UTP20: variants seen among roughly 807,000 people sequenced by gnomAD.
The protein encoded by UTP20 is UTP20 small subunit processome component, also known as small subunit processome component 20 homolog.
UTP20 carries 164 observed loss-of-function variants against 329.5 expected under a neutral mutation model. The ratio of observed to expected loss-of-function variants is 0.50; its 90% CI spans 0.44 to 0.57. The LOEUF is 0.57. Ranked by LOEUF, UTP20 falls within the 20% of genes least tolerant of loss-of-function variation. The pLI, the probability that UTP20 is intolerant of heterozygous loss-of-function variation, is 0.00. For synonymous variants in UTP20, 1,151 were observed against 1,159.3 expected, an observed-to-expected ratio of 0.99 and a Z score of 0.14; for missense variants, 3,055 against 3,284.2, an observed-to-expected ratio of 0.93 and a Z score of 1.71.
At chr12:101,295,695 G>A in intron 12 of UTP20, 37 bp downstream of exon 12, 8 of 1,538,098 alleles carry the variant, frequency 5.2e-6, no homozygotes, top group Non-Finnish European at 7.0e-6. Context: ...ATGATGATAA[G>A]TTTACCCATT....
chr12:101,313,815 A>G (rs576390299), intron 21 of UTP20, among the ~76,000 whole-genome samples: 61 of 152,146 alleles, frequency 4.0e-4, no homozygotes, highest in African/African-American at 1.5e-3. Flanking sequence ...ACTAGAAGAA[A>G]GTTCTCATTT....
At chr12:101,291,081 G>A (rs777514176) in intron 8 of UTP20, 193 bp downstream of exon 8, 14 of 481,518 alleles carry the variant, frequency 2.9e-5, no homozygotes, top group Admixed American at 8.2e-5. Flanking sequence ...ATCTTGAGAT[G>A]CAGTAGAAGG....
At chr12:101,291,562 A>AT in intron 8 of UTP20, 180 bp from the exon 9 acceptor site, 1 of 319,646 alleles carries the variant, frequency 3.1e-6, no homozygotes, top group South Asian at 1.1e-4. Flanking sequence ...AAAAAAAAAA[A>AT]GACTTAGAAC....
chr12:101,330,241 A>G (rs75014233), intron 27 of UTP20, among the ~76,000 whole-genome samples: 2,824 of 152,300 alleles, frequency 0.019, 51 homozygotes, highest in African/African-American at 0.049. Context: ...ACACCTCACC[A>G]TGAGAAGAAC....
At chr12:101,355,633 G>A (rs531650493) in intron 41 of UTP20, among the ~76,000 whole-genome samples, 4 of 152,124 alleles carry the variant, frequency 2.6e-5, no homozygotes, top group South Asian at 2.1e-4. Flanking sequence ...ACTTGTTTAC[G>A]TAGTGTTTAG....
intron 15 of UTP20, among the ~76,000 whole-genome samples, chr12:101,303,289 A>G (rs1049136683): frequency 6.6e-6 from 1 of 152,242 alleles, no homozygotes; most frequent in Non-Finnish European, 1.5e-5. Context: ...CTCTAGCCAG[A>G]AGAGGCACTA....
rs1199581387 is a variant in UTP20, at chr12:101,292,114, T to G, written c.1173+10T>G. ...AGAAACCATAGAAAAAGTAATTTAC[T>G]TCAACAAATATTAATTGAGCAGTTA... On this transcript the variant is annotated intron_variant, in intron 10 of 61. Coordinates refer to ENST00000261637, the MANE Select transcript of UTP20 (RefSeq NM_014503.3). 27 of 1,611,520 alleles carry G rather than the reference T, an allele frequency of 1.7e-5. No homozygotes were observed. Among genetic ancestry groups the G allele is most frequent in the Non-Finnish European group, 2.2e-5 (26 of 1,179,206 alleles).
chr12:101,302,626 C>A, intron 15 of UTP20, 73 bp downstream of exon 15: 1 of 1,000,870 alleles, frequency 1.0e-6, no homozygotes, highest in Non-Finnish European at 1.4e-6. Flanking sequence ...AAATCTTGGA[C>A]ACAAAGAAAA....
rs1429499715 is a variant in UTP20, at chr12:101,338,159, T to C, written c.3750T>C (p.Ser1250=). 5 of 1,614,180 alleles carry C rather than the reference T, an allele frequency of 3.1e-6. No homozygotes were observed. The South Asian group carries it at 5.5e-5, about 18-fold the overall frequency. The change falls in exon 30 of 62, where the codon AGT becomes AGC. Residue 1250 remains serine, a synonymous_variant. Transcript: ENST00000261637. ...SAKNLSDATA[S]IVMDIVDDLL... ...AGAATCTTTCTGATGCCACAGCCAG[T>C]ATTGTAATGGACATAGTTGATGACC...
intron 45 of UTP20, among the ~76,000 whole-genome samples, chr12:101,364,987 A>G (rs1380705587): frequency 6.6e-6 from 1 of 152,022 alleles, no homozygotes; most frequent in Admixed American, 6.6e-5. Flanking sequence ...GATTTGGCCC[A>G]ATAATTGATA....
intron 19 of UTP20, 64 bp from the exon 20 acceptor site, chr12:101,311,655 T>TTTTC: frequency 7.7e-7 from 1 of 1,301,792 alleles, no homozygotes; most frequent in South Asian, 1.4e-5. Flanking sequence ...TTTTTTTTTT[T>TTTTC]CTATGAGCAA....
rs1056411266 is a variant in UTP20, at chr12:101,299,726, A to T, written c.1475A>T (p.Glu492Val). Reference sequence around the variant, plus strand: ...AAGACTAGATCCAAGGGAAGAAACGAACAGTTTCCAGTATTGGACCATCTT... The same window carrying T: ...AAGACTAGATCCAAGGGAAGAAACGTACAGTTTCCAGTATTGGACCATCTT... ...QKKTRSKGRN[E>V]QFPVLDHLLS... The change falls in exon 13 of 62, where the codon GAA becomes GTA. Residue 492 changes from glutamate (E) to valine (V), a missense_variant. Around this residue, in one of 3 missense-constraint regions of UTP20, gnomAD observed 2,445 missense variants for 2,575.5 expected, o/e 0.95. Coordinates refer to ENST00000261637, the MANE Select transcript of UTP20 (RefSeq NM_014503.3). The T allele has an allele frequency of 8.1e-6, 13 of 1,607,916 alleles. No individual in the cohort carries two copies. Among genetic ancestry groups the T allele is most frequent in the Non-Finnish European group, 1.1e-5 (13 of 1,178,310 alleles).
intron 15 of UTP20, among the ~76,000 whole-genome samples, chr12:101,305,219 G>A (rs1189018086): frequency 6.6e-6 from 1 of 151,918 alleles, no homozygotes; most frequent in Non-Finnish European, 1.5e-5. Flanking sequence ...GCTCATCACT[G>A]TCATAGTACT....
chr12:101,292,511 A>G (rs1872197109), intron 10 of UTP20, among the ~76,000 whole-genome samples: 1 of 152,134 alleles, frequency 6.6e-6, no homozygotes, highest in African/African-American at 2.4e-5. Flanking sequence ...TCTGTTGGAG[A>G]TATATTGAAT....
intron 59 of UTP20, 60 bp from the exon 60 acceptor site, chr12:101,383,483 G>A: frequency 1.3e-6 from 2 of 1,581,800 alleles, no homozygotes; most frequent in East Asian, 2.2e-5. Flanking sequence ...TTAATGCTGT[G>A]TCTATGATTG....
intron 61 of UTP20, 87 bp from the exon 62 acceptor site, chr12:101,385,881 T>C: frequency 6.9e-7 from 1 of 1,446,918 alleles, no homozygotes. Flanking sequence ...AATGAGCATG[T>C]GTTTTTTACA....
rs1461976819 is a variant in UTP20, at chr12:101,334,479, A to C, written c.3616A>C (p.Ile1206Leu). 3 of 1,612,004 alleles carry C rather than the reference A, an allele frequency of 1.9e-6. No homozygotes were observed. Among genetic ancestry groups the C allele is most frequent in the Non-Finnish European group, 2.5e-6 (3 of 1,179,866 alleles). The change falls in exon 29 of 62, where the codon ATC becomes CTC. Residue 1206 changes from isoleucine (I) to leucine (L), a missense_variant. Physicochemically the swap from Ile to Leu is conservative, Grantham distance 5. Coordinates refer to ENST00000261637, the MANE Select transcript of UTP20 (RefSeq NM_014503.3). Reference sequence around the variant, plus strand: ...TTCTCCTACTCCTCTGCTGAAACTGATCAGTATCTGGAGCAGAAACGCAAG... The same window carrying C: ...TTCTCCTACTCCTCTGCTGAAACTGCTCAGTATCTGGAGCAGAAACGCAAG... ...QYSPTPLLKL[I>L]SIWSRNARYF...
intron 45 of UTP20, 106 bp downstream of exon 45, chr12:101,363,849 T>G: frequency 1.3e-6 from 1 of 749,766 alleles, no homozygotes; most frequent in Non-Finnish European, 2.2e-6. Flanking sequence ...TCACCCATGA[T>G]TTCCTTTGGT....
At chr12:101,385,509 ATTGTTGATT>A in intron 60 of UTP20, 65 bp from the exon 61 acceptor site, 1 of 1,501,078 alleles carries the variant, frequency 6.7e-7, no homozygotes, top group Non-Finnish European at 9.0e-7. Flanking sequence ...TGTTGTACAT[ATTGTTGATT>A]TTGTTGATGT....
Sources: allele counts gnomAD v4.1 joint callset (sites outside exome capture counted in the v4.1 genomes callset), GRCh38; gene constraint gnomAD v4.1.1; regional missense constraint gnomAD v4.1.1; transcripts MANE v1.5; gene names NCBI Gene and HGNC (gene_info 2026-07-23, HGNC 2026-07-21).